MCC: variants seen among roughly 807,000 people sequenced by gnomAD.
MCC encodes MCC regulator of Wnt signaling pathway.
In MCC, 90 loss-of-function variants were observed where a neutral mutation model predicts 116.2. That is an observed-to-expected ratio of 0.77 (90% CI 0.65 to 0.92). The LOEUF is 0.92. MCC is among the 40% of genes least tolerant of loss of function. MCC has a pLI of 0.00. For synonymous variants in MCC, 578 were observed against 510.5 expected (o/e 1.13, Z -1.78); for missense variants, 1,516 against 1,312.2 (o/e 1.16, Z -2.40).
At chr5:113,354,983 CAT>C (rs1456421048) in intron 2 of MCC, among the ~76,000 whole-genome samples, 4 of 151,860 alleles carry the variant, frequency 2.6e-5, no homozygotes, top group Admixed American at 6.6e-5. Flanking sequence ...TATGTATACA[CAT>C]ATATATGATA....
At chr5:113,245,844 T>A (rs954184387) in intron 3 of MCC, among the ~76,000 whole-genome samples, 13 of 152,268 alleles carry the variant, frequency 8.5e-5, no homozygotes, top group Non-Finnish European at 1.5e-4. Context: ...ACTGCCACTT[T>A]GAAAGGAAAA....
chr5:113,436,676 T>A (rs1290297797), intron 1 of MCC: 2 of 152,222 alleles, frequency 1.3e-5, no homozygotes, highest in African/African-American at 4.8e-5. Flanking sequence ...CTAGCTCTTT[T>A]CTCCTGAGAT....
chr5:113,032,081 CA>C (rs780292601), intron 17 of MCC, among the ~76,000 whole-genome samples: 39 of 152,168 alleles, frequency 2.6e-4, no homozygotes, highest in Admixed American at 1.0e-3. Flanking sequence ...CATGACAACA[CA>C]AAAAAATGTA....
At chr5:113,119,042 A>G (rs906117262) in intron 6 of MCC, among the ~76,000 whole-genome samples, 2 of 152,178 alleles carry the variant, frequency 1.3e-5, no homozygotes, top group East Asian at 3.8e-4. Context: ...TGGAGTCCTA[A>G]CTGCACTGTG....
At chr5:113,287,537 G>T (rs934940961) in intron 3 of MCC, among the ~76,000 whole-genome samples, 1 of 152,070 alleles carries the variant, frequency 6.6e-6, no homozygotes, top group African/African-American at 2.4e-5. Context: ...ATCTTGGCCA[G>T]GCTGGTCTTG....
chr5:113,215,994 G>A (rs1763301061), intron 3 of MCC, among the ~76,000 whole-genome samples: 1 of 152,198 alleles, frequency 6.6e-6, no homozygotes, highest in Non-Finnish European at 1.5e-5. Context: ...CTTGTTTGAT[G>A]GCAAGCCCTT....
chr5:113,051,274 T>G (rs1008832102), intron 15 of MCC, among the ~76,000 whole-genome samples: 1 of 151,172 alleles, frequency 6.6e-6, no homozygotes, highest in Non-Finnish European at 1.5e-5. Flanking sequence ...ACCGAGGAAA[T>G]GAGAATGAAT....
chr5:113,433,367 G>A, intron 1 of MCC: 2 of 461,232 alleles, frequency 4.3e-6, no homozygotes, highest in South Asian at 3.8e-5. Flanking sequence ...GATGAAAGGA[G>A]GATAAATGGT....
chr5:113,086,929 T>C (rs1755236029), intron 8 of MCC, among the ~76,000 whole-genome samples: 1 of 152,250 alleles, frequency 6.6e-6, no homozygotes, highest in Non-Finnish European at 1.5e-5. Context: ...GCCCAAGATC[T>C]GCATGTCTAG....
chr5:113,224,098 T>G (rs1763647046), intron 3 of MCC, among the ~76,000 whole-genome samples: 1 of 152,148 alleles, frequency 6.6e-6, no homozygotes, highest in Admixed American at 6.5e-5. Context: ...TTTGTTTTGT[T>G]TTGTTTGAGA....
In MCC at chr5:113,025,242, G is replaced by A. The variant is rs1261959025; in HGVS notation, c.*2060C>T. On this transcript the variant is annotated 3_prime_UTR_variant, in exon 19 of 19. Coordinates refer to ENST00000408903, the MANE Select transcript of MCC (RefSeq NM_001085377.2). ...GCAAGCTGGAAAAATAGTGAAAACTGATTTTTTTTTTTTTGGGGCATATGT... is the reference window on the plus strand; with the variant it reads ...GCAAGCTGGAAAAATAGTGAAAACTAATTTTTTTTTTTTTGGGGCATATGT... 1 of 115,482 alleles carries A rather than the reference G, an allele frequency of 8.7e-6. No homozygotes were observed. The highest frequency in any genetic ancestry group is 2.0e-5 in the Non-Finnish European group (1 of 49,786). The allele number at this position is 115,482 out of a possible 1,614,324, so 7.2% of individuals were successfully genotyped here.
At chr5:113,083,257 C>T (rs146768871) in intron 10 of MCC, among the ~76,000 whole-genome samples, 172 of 152,076 alleles carry the variant, frequency 1.1e-3, no homozygotes, top group African/African-American at 4.0e-3. Context: ...TGCTGGGCAG[C>T]CAGGATGGGG....
chr5:113,176,917 T>A (rs1761364891), intron 3 of MCC, among the ~76,000 whole-genome samples: 1 of 152,108 alleles, frequency 6.6e-6, no homozygotes, highest in African/African-American at 2.4e-5. Context: ...TCTTCACTGG[T>A]TCCCTACATC....
At chr5:113,163,668 G>A (rs148973201) in intron 3 of MCC, among the ~76,000 whole-genome samples, 9 of 152,208 alleles carry the variant, frequency 5.9e-5, no homozygotes, top group Non-Finnish European at 1.3e-4. Context: ...AGAATTTCAC[G>A]CAGTATTTGT....
chr5:113,141,909 A>G (rs1326867764), intron 5 of MCC, among the ~76,000 whole-genome samples: 1 of 152,188 alleles, frequency 6.6e-6, no homozygotes, highest in African/African-American at 2.4e-5. Context: ...GTGCATAAAA[A>G]TCACAAATTT....
chr5:113,160,608 G>A (rs1760429431), intron 3 of MCC, among the ~76,000 whole-genome samples: 1 of 152,200 alleles, frequency 6.6e-6, no homozygotes, highest in Non-Finnish European at 1.5e-5. Flanking sequence ...CAAGTCCCCT[G>A]CTTTGCAACA....
intron 1 of MCC, among the ~76,000 whole-genome samples, chr5:113,443,991 TTGTGTG>T (rs34145955): frequency 2.1e-5 from 3 of 144,082 alleles, no homozygotes; most frequent in South Asian, 2.3e-4. Flanking sequence ...CTCGGCTAAT[TTGTGTG>T]TGTGTGTGTG....
intron 3 of MCC, among the ~76,000 whole-genome samples, chr5:113,209,847 A>G (rs1449430073): frequency 5.9e-5 from 9 of 152,208 alleles, no homozygotes; most frequent in African/African-American, 2.2e-4. Context: ...AAGTCTGACC[A>G]GAACAAACAA....
chr5:113,076,757 A>T (rs970657902), intron 11 of MCC, among the ~76,000 whole-genome samples: 3 of 152,342 alleles, frequency 2.0e-5, no homozygotes, highest in African/African-American at 7.2e-5. Context: ...TCAACTAACA[A>T]GCAAAATAAC....
Sources: gnomAD v4.1 joint callset for allele counts (sites outside exome capture counted in the v4.1 genomes callset) on GRCh38, gnomAD v4.1.1 for gene constraint, MANE v1.5 for transcripts, NCBI Gene and HGNC (gene_info 2026-07-23, HGNC 2026-07-21) for gene names.